The following RIMS2 variants were observed in gnomAD, a reference collection of about 807,000 sequenced individuals.
The protein encoded by RIMS2 is regulating synaptic membrane exocytosis 2, also known as regulating synaptic membrane exocytosis protein 2.
RIMS2 carries 59 observed loss-of-function variants against 174.4 expected under a neutral mutation model. The observed-to-expected ratio is 0.34, with a 90% confidence interval of 0.27 to 0.42. RIMS2 has a LOEUF of 0.42. RIMS2 is among the 10% of genes least tolerant of loss of function. RIMS2 has a pLI of 1.00. For missense variants in RIMS2, 1,620 were observed against 1,666.3 expected, an observed-to-expected ratio of 0.97 and a Z score of 0.48; for synonymous variants, 606 against 572.5, an observed-to-expected ratio of 1.06 and a Z score of -0.84.
intron 12 of RIMS2, among the ~76,000 whole-genome samples, chr8:103,935,283 C>T (rs2080993310): frequency 4.6e-5 from 7 of 152,116 alleles, no homozygotes; most frequent in Admixed American, 3.9e-4. Context: ...CATTTTTCTG[C>T]CAATGCCTTC....
intron 1 of RIMS2, among the ~76,000 whole-genome samples, chr8:103,663,184 A>ATT (rs1209935485): frequency 7.2e-6 from 1 of 138,250 alleles, no homozygotes; most frequent in Admixed American, 7.2e-5. Flanking sequence ...AAAAAAAAAA[A>ATT]TTTTTTTTCT....
At chr8:103,597,620 G>A (rs1485106855) in intron 1 of RIMS2, among the ~76,000 whole-genome samples, 4 of 151,950 alleles carry the variant, frequency 2.6e-5, no homozygotes, top group Admixed American at 2.6e-4. Context: ...CCTCTCCTTT[G>A]AACTCTTTTA....
intron 1 of RIMS2, among the ~76,000 whole-genome samples, chr8:103,661,981 G>A (rs2096606822): frequency 6.6e-6 from 1 of 152,180 alleles, no homozygotes; most frequent in Non-Finnish European, 1.5e-5. Context: ...ATGATATTGA[G>A]AATGATATAG....
intron 19 of RIMS2, among the ~76,000 whole-genome samples, chr8:104,228,067 C>T (rs10102115): frequency 0.01 from 1,442 of 144,134 alleles, 20 homozygotes; most frequent in African/African-American, 0.033. Flanking sequence ...CTTGCTCTGT[C>T]GCCCAGGCTG....
intron 4 of RIMS2, among the ~76,000 whole-genome samples, chr8:103,908,621 G>C (rs2075021267): frequency 6.6e-6 from 1 of 152,016 alleles, no homozygotes; most frequent in South Asian, 2.1e-4. Context: ...CCAGAAACCG[G>C]GGAGTTAACC....
In RIMS2 at chr8:103,774,856, T is replaced by C. The variant is rs534246695; in HGVS notation, c.698+8319T>C. Reference sequence around the variant, plus strand: ...TATTTGTCAGTGGCTACTATAGCGGTAACGTTTAAGATCTGTATACTTTTA... The same window carrying C: ...TATTTGTCAGTGGCTACTATAGCGGCAACGTTTAAGATCTGTATACTTTTA... On this transcript the variant is annotated intron_variant, in intron 3 of 23. Coordinates refer to ENST00000504942, the Ensembl canonical transcript of RIMS2. Among the ~76,000 whole-genome samples the C allele has an allele frequency of 2.6e-5, 4 of 152,270 alleles. No individual in the cohort carries two copies. The South Asian group carries it at 8.3e-4, about 32-fold the overall frequency.
intron 19 of RIMS2, among the ~76,000 whole-genome samples, chr8:104,098,505 G>T (rs1170461505): frequency 6.6e-6 from 1 of 152,138 alleles, no homozygotes; most frequent in African/African-American, 2.4e-5. Flanking sequence ...TGGTAATTTT[G>T]TGTTCAAACT....
At chr8:104,008,451 AAAAATATCTTC>A (rs142245724) in intron 17 of RIMS2, among the ~76,000 whole-genome samples, 19,246 of 151,092 alleles carry the variant, frequency 0.13, 1,641 homozygotes, top group Non-Finnish European at 0.19. Flanking sequence ...TTAATATACT[AAAAATATCTTC>A]AAAATATTTA....
intron 1 of RIMS2, among the ~76,000 whole-genome samples, chr8:103,678,447 A>C (rs940875588): frequency 1.3e-5 from 2 of 152,140 alleles, no homozygotes; most frequent in Non-Finnish European, 2.9e-5. Flanking sequence ...AATGTCATAT[A>C]ATACAGTGCT....
intron 19 of RIMS2, among the ~76,000 whole-genome samples, chr8:104,099,399 A>T (rs528734121): frequency 6.6e-6 from 1 of 152,076 alleles, no homozygotes; most frequent in African/African-American, 2.4e-5. Context: ...CACCAAGGCT[A>T]TCTTCTATTT....
intron 3 of RIMS2, among the ~76,000 whole-genome samples, chr8:103,798,009 C>T (rs1386587107): frequency 1.3e-5 from 2 of 152,028 alleles, no homozygotes; most frequent in African/African-American, 4.8e-5. Flanking sequence ...TACTGTGCTG[C>T]CCAATGCTTG....
Position 104,096,740 on chromosome 8 carries a change from C to T in RIMS2, c.3334+82125C>T, listed in dbSNP as rs369674700. Among the ~76,000 whole-genome samples, 43 of 151,860 alleles carry T rather than the reference C, an allele frequency of 2.8e-4. 1 individual carries two copies. The South Asian group carries it at 6.5e-3, about 23-fold the overall frequency. ...AAAATTAGCTGGGCGTGGTGGTGTG[C>T]GCCCATAGTCCCAGCTACTCGGGAG... On this transcript the variant is annotated intron_variant, in intron 19 of 23. Coordinates refer to ENST00000504942, the Ensembl canonical transcript of RIMS2.
chr8:104,221,393 A>T (rs1441249685), intron 19 of RIMS2, among the ~76,000 whole-genome samples: 1 of 152,086 alleles, frequency 6.6e-6, no homozygotes, highest in Non-Finnish European at 1.5e-5. Flanking sequence ...CTCATTTGTG[A>T]CCCACAGTTT....
intron 3 of RIMS2, among the ~76,000 whole-genome samples, chr8:103,831,282 A>AT (rs1307585286): frequency 2.6e-5 from 4 of 152,130 alleles, no homozygotes; most frequent in African/African-American, 7.2e-5. Context: ...ATAGTCAATG[A>AT]TTTTTTAAAA....
chr8:103,977,123 G>A (rs1044617052), intron 16 of RIMS2: 6 of 152,134 alleles, frequency 3.9e-5, no homozygotes, highest in Non-Finnish European at 7.3e-5. Context: ...ATTTTACACA[G>A]AATATTGGAA....
At chr8:104,164,235 C>T (rs1411344696) in intron 19 of RIMS2, among the ~76,000 whole-genome samples, 4 of 152,104 alleles carry the variant, frequency 2.6e-5, no homozygotes, top group Admixed American at 2.6e-4. Context: ...TTCTGACTTG[C>T]CATCAGTCAG....
At chr8:103,686,041 A>G (rs1050186589) in intron 1 of RIMS2, among the ~76,000 whole-genome samples, 1 of 152,128 alleles carries the variant, frequency 6.6e-6, no homozygotes, top group Non-Finnish European at 1.5e-5. Context: ...GCTTGTTCAT[A>G]TCTTATTAGA....
chr8:104,039,563 G>A (rs79135300), intron 19 of RIMS2, among the ~76,000 whole-genome samples: 1,602 of 151,532 alleles, frequency 0.011, 32 homozygotes, highest in African/African-American at 0.037. Context: ...CAAACAATAA[G>A]ATCTTTTCTT....
chr8:103,733,193 C>T (rs1171462207), intron 2 of RIMS2, among the ~76,000 whole-genome samples: 1 of 152,108 alleles, frequency 6.6e-6, no homozygotes, highest in African/African-American at 2.4e-5. Flanking sequence ...GGGTTCTCTT[C>T]TTGCCCAAGG....
Sources: gnomAD v4.1 joint callset for allele counts (sites outside exome capture counted in the v4.1 genomes callset) on GRCh38, gnomAD v4.1.1 for gene constraint, MANE v1.5 for transcripts, NCBI Gene and HGNC (gene_info 2026-07-23, HGNC 2026-07-21) for gene names.